Variants in UNC13C observed in about 807,000 individuals in gnomAD.
The protein encoded by UNC13C is unc-13 homolog C, also known as protein unc-13 homolog C.
A neutral mutation model predicts 245.4 loss-of-function variants in UNC13C; 174 were observed. The observed-to-expected ratio is 0.71, with a 90% CI of 0.63 to 0.80. The LOEUF is 0.80. Among genes scored for constraint, UNC13C ranks in the 30% least tolerant of loss-of-function variants. The pLI is 0.00. For synonymous variants in UNC13C, 992 were observed against 895.1 expected, an observed-to-expected ratio of 1.11 and a Z score of -1.93; for missense variants, 2,829 against 2,602.9, an observed-to-expected ratio of 1.09 and a Z score of -1.89.
chr15:54,023,185 C>G (rs1046159671), intron 2 of UNC13C, among the ~76,000 whole-genome samples: 3 of 152,172 alleles, frequency 2.0e-5, no homozygotes, highest in Admixed American at 2.0e-4. Context: ...AGTGAGATGA[C>G]TGAGTCTCAG....
chr15:54,464,277 C>G (rs1892048276), intron 19 of UNC13C, among the ~76,000 whole-genome samples: 1 of 152,044 alleles, frequency 6.6e-6, no homozygotes, highest in African/African-American at 2.4e-5. Flanking sequence ...ATTTTCCATT[C>G]ATGAACTTTG....
intron 21 of UNC13C, among the ~76,000 whole-genome samples, chr15:54,500,591 CAA>C (rs982423653): frequency 6.6e-6 from 1 of 152,008 alleles, no homozygotes; most frequent in African/African-American, 2.4e-5. Context: ...AAATGAAAGA[CAA>C]AAGAACCAGT....
intron 25 of UNC13C, among the ~76,000 whole-genome samples, chr15:54,529,090 G>A (rs891488524): frequency 1.3e-5 from 2 of 152,104 alleles, no homozygotes; most frequent in East Asian, 3.9e-4. Context: ...AAATTCAAAG[G>A]GGCCAGCTGA....
chr15:54,480,283 A>G (rs1377523076), intron 19 of UNC13C, among the ~76,000 whole-genome samples: 1 of 151,424 alleles, frequency 6.6e-6, no homozygotes, highest in Non-Finnish European at 1.5e-5. Flanking sequence ...TTAAGCTATT[A>G]TATTTAATAA....
chr15:54,098,189 T>G (rs1177236367), intron 2 of UNC13C, among the ~76,000 whole-genome samples: 1 of 152,112 alleles, frequency 6.6e-6, no homozygotes, highest in Non-Finnish European at 1.5e-5. Context: ...TTTTATTTTA[T>G]TTTGAGATGG....
chr15:54,507,808 A>T (rs770713782), intron 23 of UNC13C, among the ~76,000 whole-genome samples: 1 of 152,028 alleles, frequency 6.6e-6, no homozygotes, highest in African/African-American at 2.4e-5. Flanking sequence ...TATTAGGAGA[A>T]ATACATTGGC....
At position 54,103,132 on chromosome 15, in the gene UNC13C, A is replaced by T. The variant is rs963918856; in HGVS notation, c.2984-39886A>T. On this transcript the variant is annotated intron_variant, in intron 2 of 32. Coordinates refer to ENST00000260323, the MANE Select transcript of UNC13C (RefSeq NM_001080534.3). ...TATTTTTCTCAGAAGTATTTGTTTC[A>T]TTCCGATCACAGACTTGTGGTCCAA... Among the ~76,000 whole-genome samples, 3 of 152,332 alleles carry T rather than the reference A, an allele frequency of 2.0e-5. No individual in the cohort carries two copies. In the East Asian group the frequency reaches 5.8e-4, roughly 29 times the overall value.
intron 17 of UNC13C, among the ~76,000 whole-genome samples, chr15:54,358,786 C>T (rs2039158881): frequency 6.6e-6 from 1 of 151,956 alleles, no homozygotes; most frequent in African/African-American, 2.4e-5. Flanking sequence ...TTCTCCTATC[C>T]AATTTGGATG....
intron 26 of UNC13C, among the ~76,000 whole-genome samples, chr15:54,538,873 A>G (rs1331541302): frequency 6.6e-6 from 1 of 151,980 alleles, no homozygotes; most frequent in Non-Finnish European, 1.5e-5. Flanking sequence ...GAGGGTGAGA[A>G]TCAAAAACTA....
At chr15:54,443,794 A>G (rs1890659222) in intron 19 of UNC13C, among the ~76,000 whole-genome samples, 1 of 151,540 alleles carries the variant, frequency 6.6e-6, no homozygotes, top group African/African-American at 2.4e-5. Flanking sequence ...GATTTTTAAA[A>G]TTTGTTGAGA....
chr15:54,055,182 C>A lies in UNC13C; in HGVS notation c.2983+39296C>A, dbSNP rs147766182. Among the ~76,000 whole-genome samples the A allele has an allele frequency of 5.3e-5, 8 of 152,202 alleles. No individual in the cohort carries two copies. In the East Asian group the frequency reaches 1.4e-3, roughly 26 times the overall value. Reference sequence around the variant, plus strand: ...ATAATTGATTTATTATACTAAAATACCTCTCATGCCTAAATCAGTTACAAT... The same window carrying A: ...ATAATTGATTTATTATACTAAAATAACTCTCATGCCTAAATCAGTTACAAT... On this transcript the variant is annotated intron_variant, in intron 2 of 32. Coordinates refer to ENST00000260323, the MANE Select transcript of UNC13C (RefSeq NM_001080534.3).
At chr15:54,535,672 A>G (rs989775456) in intron 26 of UNC13C, among the ~76,000 whole-genome samples, 4 of 152,164 alleles carry the variant, frequency 2.6e-5, no homozygotes, top group African/African-American at 9.6e-5. Flanking sequence ...GTACAATAAA[A>G]TTAGAAATTA....
intron 10 of UNC13C, among the ~76,000 whole-genome samples, chr15:54,283,009 C>T (rs183482726): frequency 3.7e-4 from 56 of 152,064 alleles, no homozygotes; most frequent in African/African-American, 1.3e-3. Flanking sequence ...CAAAGGTGGA[C>T]ATGAAAACGT....
In UNC13C at chr15:54,108,541, A is replaced by C. The variant is rs185115995; in HGVS notation, c.2984-34477A>C. Reference sequence around the variant, plus strand: ...AATAAAACGTGTAGGCCAAGAAAAAAAATAGCTTGTAAAATAATCATAGTA... The same window carrying C: ...AATAAAACGTGTAGGCCAAGAAAAACAATAGCTTGTAAAATAATCATAGTA... On this transcript the variant is annotated intron_variant, in intron 2 of 32. Coordinates refer to ENST00000260323, the MANE Select transcript of UNC13C (RefSeq NM_001080534.3). Among the ~76,000 whole-genome samples the C allele has an allele frequency of 1.5e-3, 225 of 152,314 alleles. 1 individual carries two copies. The highest frequency in any genetic ancestry group is 5.1e-3 in the African/African-American group (214 of 41,566).
At chr15:54,216,988 A>G (rs1324387064) in intron 4 of UNC13C, among the ~76,000 whole-genome samples, 3 of 151,982 alleles carry the variant, frequency 2.0e-5, no homozygotes, top group Non-Finnish European at 4.4e-5. Flanking sequence ...AGGTTACTTT[A>G]GAGTACTATG....
chr15:53,963,338 A>C, the UNC13C span, among the ~76,000 whole-genome samples: 1 of 152,206 alleles, frequency 6.6e-6, no homozygotes, highest in African/African-American at 2.4e-5. Flanking sequence ...GGTTTAGGGA[A>C]GACAGACTGT....
intron 10 of UNC13C, among the ~76,000 whole-genome samples, chr15:54,268,291 T>A (rs11638986): frequency 1.3e-5 from 2 of 151,864 alleles, no homozygotes; most frequent in East Asian, 1.9e-4. Context: ...TTTTCCATCC[T>A]AGGAAATCCT....
At chr15:54,114,221 G>C (rs575556833) in intron 2 of UNC13C, among the ~76,000 whole-genome samples, 2 of 152,268 alleles carry the variant, frequency 1.3e-5, no homozygotes, top group East Asian at 3.9e-4. Context: ...CCAATAGCCT[G>C]CCACTGGAAT....
At chr15:54,566,450 A>G (rs1345787966) in intron 29 of UNC13C, among the ~76,000 whole-genome samples, 1 of 152,064 alleles carries the variant, frequency 6.6e-6, no homozygotes, top group African/African-American at 2.4e-5. Context: ...AAGAGAAGAC[A>G]TTTTTTCTGT....
Sources: allele counts gnomAD v4.1 joint callset (sites outside exome capture counted in the v4.1 genomes callset), GRCh38; gene constraint gnomAD v4.1.1; transcripts MANE v1.5; gene names NCBI Gene and HGNC (gene_info 2026-07-23, HGNC 2026-07-21).